The following CHCHD3 variants were observed in gnomAD, a reference collection of about 807,000 sequenced individuals.
CHCHD3 encodes the protein MICOS complex subunit MIC19.
CHCHD3 carries 20 observed loss-of-function variants against 38.2 expected under a neutral mutation model. The observed-to-expected ratio is 0.52, with a 90% CI of 0.37 to 0.76. CHCHD3 has a LOEUF of 0.76. CHCHD3 is among the 30% of genes least tolerant of loss of function. The pLI is 0.00. For missense variants in CHCHD3, 245 were observed against 279.2 expected, an observed-to-expected ratio of 0.88 and a Z score of 0.87; for synonymous variants, 82 against 100.0, an observed-to-expected ratio of 0.82 and a Z score of 1.07.
At chr7:132,789,118 G>C (rs1313819219) in intron 7 of CHCHD3, among the ~76,000 whole-genome samples, 1 of 152,156 alleles carries the variant, frequency 6.6e-6, no homozygotes, top group African/African-American at 2.4e-5. Context: ...AGGTTCTACT[G>C]TCTCTGTATT....
At chr7:132,804,516 AC>A (rs1157307775) in intron 6 of CHCHD3, among the ~76,000 whole-genome samples, 2 of 152,076 alleles carry the variant, frequency 1.3e-5, no homozygotes, top group African/African-American at 2.4e-5. Flanking sequence ...ACATTCCAGT[AC>A]CCCTACCTCT....
At chr7:132,877,079 T>A (rs1250517602) in intron 5 of CHCHD3, among the ~76,000 whole-genome samples, 6 of 152,126 alleles carry the variant, frequency 3.9e-5, no homozygotes, top group African/African-American at 9.7e-5. Flanking sequence ...ATCCCATGAT[T>A]TGCAAATCTT....
At position 132,838,420 on chromosome 7, in the gene CHCHD3, T is replaced by C; in HGVS notation, c.503A>G (p.Glu168Gly). Residue 168 changes from glutamate to glycine, a missense_variant, in exon 6 of 8, where the codon GAA (glutamate) becomes GGA (glycine). Physicochemically the swap from Glu to Gly is moderately conservative, Grantham distance 98 (BLOSUM62 -2). Coordinates refer to ENST00000262570, the MANE Select transcript of CHCHD3 (RefSeq NM_017812.4). ...VTTEQYQKAA[E>G]EVEAKFKRYE... ...TTACTTGAACTTTGCTTCCACCTCT[T>C]CAGCAGCTTTCTGATATTGTTCAGT... The C allele has an allele frequency of 6.2e-7, 1 of 1,612,264 alleles. No homozygotes were observed. Among genetic ancestry groups the C allele is most frequent in the Non-Finnish European group, 8.5e-7 (1 of 1,178,790 alleles).
At chr7:132,949,516 T>C (rs1479060188) in intron 4 of CHCHD3, among the ~76,000 whole-genome samples, 1 of 152,156 alleles carries the variant, frequency 6.6e-6, no homozygotes, top group African/African-American at 2.4e-5. Flanking sequence ...CAGTAATTGT[T>C]CCAGAATGCA....
At chr7:132,987,452 T>C (rs1812150634) in intron 3 of CHCHD3, among the ~76,000 whole-genome samples, 1 of 152,140 alleles carries the variant, frequency 6.6e-6, no homozygotes, top group African/African-American at 2.4e-5. Context: ...AGGTGGGAGA[T>C]GAAGGGCTTC....
chr7:133,000,800 A>G (rs1043253507), intron 3 of CHCHD3, among the ~76,000 whole-genome samples: 1 of 152,196 alleles, frequency 6.6e-6, no homozygotes, highest in Non-Finnish European at 1.5e-5. Context: ...TATATTTGTC[A>G]CACTGAGTCT....
chr7:132,979,797 T>C (rs1811871144), intron 3 of CHCHD3, among the ~76,000 whole-genome samples: 1 of 152,228 alleles, frequency 6.6e-6, no homozygotes, highest in Non-Finnish European at 1.5e-5. Context: ...TTCTAAGTTG[T>C]ACCATTTCCC....
intron 6 of CHCHD3, among the ~76,000 whole-genome samples, chr7:132,835,979 C>G (rs1461610200): frequency 6.6e-6 from 1 of 152,170 alleles, no homozygotes; most frequent in African/African-American, 2.4e-5. Flanking sequence ...AAGCAACCAG[C>G]CCTGGCGTCA....
In CHCHD3 at chr7:132,785,295, A is replaced by C. The variant is rs1217075681; in HGVS notation, c.*342T>G. The C allele has an allele frequency of 4.3e-6, 1 of 230,232 alleles. No homozygotes were observed. The highest frequency in any genetic ancestry group is 2.3e-5 in the African/African-American group (1 of 43,668). The allele number at this position is 230,232 out of a possible 1,614,324, so 14.3% of individuals were successfully genotyped here. A position where few individuals can be genotyped will look rare whatever the true frequency, so the allele number is the denominator to read the frequency against. On this transcript the variant is annotated 3_prime_UTR_variant, in exon 8 of 8. Transcript: ENST00000262570. ...CTTTGTTAGGGTGGAGGTTCACCAA[A>C]TGATGGGGCTTGTTCAGAAGAGAAA...
intron 3 of CHCHD3, among the ~76,000 whole-genome samples, chr7:133,016,386 G>C (rs551813733): frequency 6.6e-6 from 1 of 152,180 alleles, no homozygotes; most frequent in Non-Finnish European, 1.5e-5. Context: ...TGACTCCAGT[G>C]TGCATGTTCT....
chr7:133,036,051 C>T, intron 2 of CHCHD3: 1 of 722,366 alleles, frequency 1.4e-6, no homozygotes, highest in South Asian at 1.6e-5. Flanking sequence ...ACATCCAACA[C>T]ACATGATGAT....
At chr7:132,950,228 G>A (rs1811004975) in intron 4 of CHCHD3, among the ~76,000 whole-genome samples, 2 of 151,916 alleles carry the variant, frequency 1.3e-5, no homozygotes, top group Non-Finnish European at 2.9e-5. Flanking sequence ...TCACTACCTG[G>A]GTGACGGGAT....
At chr7:133,059,487 A>C (rs1394118472) in intron 2 of CHCHD3, among the ~76,000 whole-genome samples, 2 of 152,076 alleles carry the variant, frequency 1.3e-5, no homozygotes, top group East Asian at 3.9e-4. Flanking sequence ...AACTCACTAC[A>C]GCACTCACCA....
intron 5 of CHCHD3, among the ~76,000 whole-genome samples, chr7:132,862,378 G>A (rs1330030987): frequency 2.0e-5 from 3 of 152,192 alleles, no homozygotes; most frequent in African/African-American, 7.2e-5. Flanking sequence ...GTTTCCCAGT[G>A]CGTATAAAAG....
At chr7:133,022,399 T>C (rs1165544989) in intron 3 of CHCHD3, 2 of 456,568 alleles carry the variant, frequency 4.4e-6, no homozygotes, top group African/African-American at 2.0e-5. Context: ...ATTCAGGCAA[T>C]ACATACAATA....
chr7:133,031,194 T>C (rs1456410083), intron 2 of CHCHD3, among the ~76,000 whole-genome samples: 3 of 152,106 alleles, frequency 2.0e-5, no homozygotes, highest in Non-Finnish European at 2.9e-5. Context: ...ATAAGTTCAA[T>C]ACACATCACC....
chr7:132,802,733 T>C (rs775871548), intron 6 of CHCHD3, among the ~76,000 whole-genome samples: 1 of 152,204 alleles, frequency 6.6e-6, no homozygotes, highest in Admixed American at 6.5e-5. Context: ...GAGGCAATAA[T>C]TGTACAGAGT....
At chr7:132,885,514 A>G (rs1032967472) in intron 5 of CHCHD3, 148 bp downstream of exon 5, 1 of 600,828 alleles carries the variant, frequency 1.7e-6, no homozygotes, top group Non-Finnish European at 2.8e-6. Flanking sequence ...GTTACAGAGG[A>G]CGAACTAACT....
chr7:132,955,394 G>T (rs1811138726), intron 4 of CHCHD3, among the ~76,000 whole-genome samples: 2 of 152,104 alleles, frequency 1.3e-5, no homozygotes, highest in Admixed American at 6.5e-5. Flanking sequence ...AGGGCAAAAA[G>T]TACTTGTTAG....
Sources: allele counts gnomAD v4.1 joint callset (sites outside exome capture counted in the v4.1 genomes callset), GRCh38; gene constraint gnomAD v4.1.1; transcripts MANE v1.5; gene names NCBI Gene and HGNC (gene_info 2026-07-23, HGNC 2026-07-21).